The following ALMS1 variants were observed in gnomAD, a reference collection of about 807,000 sequenced individuals.
ALMS1 encodes the protein ALMS1 centrosome and basal body associated protein.
In ALMS1, 271 loss-of-function variants were observed where a neutral mutation model predicts 352.2. That is an observed-to-expected ratio of 0.77 (90% CI 0.70 to 0.85). The LOEUF is 0.85. Ranked by LOEUF, ALMS1 falls within the 40% of genes least tolerant of loss-of-function variation. The probability of loss-of-function intolerance (pLI) is 0.00; values close to 1 mark genes in which losing one functional copy is unlikely to be tolerated. For synonymous variants in ALMS1, 1,865 were observed against 1,761.2 expected, an observed-to-expected ratio of 1.06 and a Z score of -1.48; for missense variants, 5,445 against 4,870.7, an observed-to-expected ratio of 1.12 and a Z score of -3.51.
At chr2:73,432,137 T>C (rs560686358) in intron 6 of ALMS1, 61 bp from the exon 7 acceptor site, 1 of 1,286,100 alleles carries the variant, frequency 7.8e-7, no homozygotes, top group East Asian at 2.3e-5. Flanking sequence ...AGGTGGGTCA[T>C]TCTAATCTGG....
rs373944325 is a variant in ALMS1 at position 73,490,603 on chromosome 2, C to T, written c.8644C>T (p.Leu2882Phe). Residue 2882 changes from leucine to phenylalanine, a missense_variant, in exon 10 of 23, where the codon CTT (leucine) becomes TTT (phenylalanine). Leu to Phe is a conservative substitution (Grantham distance 22). Coordinates refer to ENST00000613296, the MANE Select transcript of ALMS1 (RefSeq NM_001378454.1). ...TCCAGATCTTCCTTCTTGCATTTTTCTTGAACAACGAGAGCTCTTTGAACA... is the reference window on the plus strand; with the variant it reads ...TCCAGATCTTCCTTCTTGCATTTTTTTTGAACAACGAGAGCTCTTTGAACA... ...ITPDLPSCIF[L>F]EQRELFEQSK... The T allele has an allele frequency of 2.8e-4, 445 of 1,614,174 alleles. 1 individual carries two copies. Among genetic ancestry groups the T allele is most frequent in the Non-Finnish European group, 3.4e-4 (406 of 1,180,022 alleles).
intron 10 of ALMS1, among the ~76,000 whole-genome samples, chr2:73,498,299 G>A (rs1673150573): frequency 6.6e-6 from 1 of 151,536 alleles, no homozygotes; most frequent in Non-Finnish European, 1.5e-5. Flanking sequence ...GTACATAGTA[G>A]GTGTATATGT....
rs1262172642 is a variant in ALMS1, at chr2:73,395,038, G to GTGTATATATA, written c.324+8849_324+8850insATATATATGT. Among the ~76,000 whole-genome samples the GTGTATATATA allele has an allele frequency of 4.9e-3, 398 of 80,862 alleles. 2 individuals carry two copies. The highest frequency in any genetic ancestry group is 0.028 in the African/African-American group (372 of 13,386). The allele number at this position is 80,862 out of a possible 152,430, so 53.0% of individuals were successfully genotyped here. On this transcript the variant is annotated intron_variant, in intron 1 of 22. Coordinates refer to ENST00000613296, the MANE Select transcript of ALMS1 (RefSeq NM_001378454.1). ...TGTGTATATATATGTGTATATATAT[G>GTGTATATATA]TGTGTGTATATATATATATGTGTAT...
At chr2:73,483,335 G>A (rs1672755446) in intron 9 of ALMS1, among the ~76,000 whole-genome samples, 1 of 151,500 alleles carries the variant, frequency 6.6e-6, no homozygotes, top group Non-Finnish European at 1.5e-5. Context: ...TATGTACCCA[G>A]TAGTCATTCA....
chr2:73,583,865 C>G (rs953238078), intron 16 of ALMS1, among the ~76,000 whole-genome samples: 1 of 152,112 alleles, frequency 6.6e-6, no homozygotes, highest in Non-Finnish European at 1.5e-5. Context: ...TAATATCACA[C>G]TATTTTGATT....
Position 73,395,078 on chromosome 2 carries a change from ATTTT to A in ALMS1, c.324+8904_324+8907del, listed in dbSNP as rs1163258474. 1.4e-3 allele frequency among the ~76,000 whole-genome samples: 137 copies of A among 101,312 alleles called. 1 individual carries two copies. Among genetic ancestry groups the A allele is most frequent in the Middle Eastern group, 6.2e-3 (1 of 162 alleles). 66.5% of individuals were successfully genotyped at this position (101,312 alleles called of 152,430 possible). On this transcript the variant is annotated intron_variant, in intron 1 of 22. Transcript: ENST00000613296. ...TATATGTGTATATATATATATATAT[ATTTT>A]TTTTTTTTTTTTTTTTTGAGACAGA...
At chr2:73,586,377 A>G (rs545224113) in intron 16 of ALMS1, among the ~76,000 whole-genome samples, 1 of 152,274 alleles carries the variant, frequency 6.6e-6, no homozygotes, top group Non-Finnish European at 1.5e-5. Flanking sequence ...TTATGGTTTC[A>G]GGTCTTAGAT....
chr2:73,388,451 A>G (rs1450522287), intron 1 of ALMS1, among the ~76,000 whole-genome samples: 1 of 152,108 alleles, frequency 6.6e-6, no homozygotes, highest in Non-Finnish European at 1.5e-5. Context: ...CTCCTTCTGG[A>G]GCCCCCAGTG....
intron 10 of ALMS1, 111 bp from the exon 11 acceptor site, chr2:73,519,664 A>C (rs1037587645): frequency 3.5e-6 from 5 of 1,429,798 alleles, no homozygotes; most frequent in Non-Finnish European, 3.9e-6. Flanking sequence ...ATGTGTCCAC[A>C]ATATATTCCT....
intron 9 of ALMS1, among the ~76,000 whole-genome samples, chr2:73,474,792 C>G (rs903825480): frequency 3.9e-5 from 6 of 152,070 alleles, no homozygotes; most frequent in Non-Finnish European, 7.4e-5. Context: ...ACATCTTTAT[C>G]TCAGTATAAT....
chr2:73,447,049 G>A (rs1671823050), intron 7 of ALMS1, among the ~76,000 whole-genome samples: 1 of 50,818 alleles, frequency 2.0e-5, no homozygotes, highest in South Asian at 5.8e-4. Context: ...GTGAGGTAGG[G>A]ATTATTGTCT....
chr2:73,481,621 T>A (rs1325731670), intron 9 of ALMS1, among the ~76,000 whole-genome samples: 1 of 148,718 alleles, frequency 6.7e-6, no homozygotes, highest in Non-Finnish European at 1.5e-5. Context: ...AAGAAAGGCA[T>A]TGGTAGCTTG....
chr2:73,461,028 C>A (rs1262811580), intron 9 of ALMS1, among the ~76,000 whole-genome samples: 1 of 152,366 alleles, frequency 6.6e-6, no homozygotes, highest in Admixed American at 6.5e-5. Context: ...CATAGCCAAA[C>A]AAAAGGCAGC....
intron 2 of ALMS1, among the ~76,000 whole-genome samples, chr2:73,416,548 C>CA (rs1671184710): frequency 6.6e-6 from 1 of 152,028 alleles, no homozygotes; most frequent in African/African-American, 2.4e-5. Context: ...TCTTCAAAGA[C>CA]AAAAGTCTTG....
At chr2:73,604,327 A>G (rs753033140) in intron 21 of ALMS1, among the ~76,000 whole-genome samples, 4 of 152,196 alleles carry the variant, frequency 2.6e-5, no homozygotes, top group Non-Finnish European at 5.9e-5. Context: ...AAGCCCAGGA[A>G]TTTGAGACTG....
At chr2:73,550,460 C>G in intron 13 of ALMS1, 23 bp downstream of exon 13, 1 of 1,613,514 alleles carries the variant, frequency 6.2e-7, no homozygotes. Context: ...GCTTTGTATA[C>G]TTTGTAGCTT....
At chr2:73,407,127 A>G (rs1374461037) in intron 1 of ALMS1, among the ~76,000 whole-genome samples, 1 of 152,172 alleles carries the variant, frequency 6.6e-6, no homozygotes, top group African/African-American at 2.4e-5. Context: ...CTTCTTGCTG[A>G]TGGGGACTCT....
At chr2:73,506,950 C>G (rs867758065) in intron 10 of ALMS1, among the ~76,000 whole-genome samples, 2 of 152,046 alleles carry the variant, frequency 1.3e-5, no homozygotes, top group South Asian at 2.1e-4. Context: ...GAGACATGTT[C>G]CATCAATACC....
At chr2:73,437,803 C>T (rs1031633751) in intron 7 of ALMS1, among the ~76,000 whole-genome samples, 1 of 152,100 alleles carries the variant, frequency 6.6e-6, no homozygotes, top group Non-Finnish European at 1.5e-5. Context: ...CCAGATATGC[C>T]CTCTACTCAG....
Sources: allele counts gnomAD v4.1 joint callset (sites outside exome capture counted in the v4.1 genomes callset), GRCh38; gene constraint gnomAD v4.1.1; transcripts MANE v1.5; gene names NCBI Gene and HGNC (gene_info 2026-07-23, HGNC 2026-07-21).